Variants in DGKB observed in about 807,000 individuals in gnomAD.
DGKB encodes the protein diacylglycerol kinase beta.
Under a neutral mutation model 114.3 loss-of-function variants are expected in DGKB, and 67 were observed. The ratio of observed to expected loss-of-function variants is 0.59; its 90% CI spans 0.48 to 0.72. The LOEUF (loss-of-function observed/expected upper bound fraction) is 0.72. DGKB is among the 30% of genes least tolerant of loss of function. The pLI is 0.00. For synonymous variants in DGKB, 398 were observed against 323.1 expected (o/e 1.23, Z -2.49); for missense variants, 907 against 975.2 (o/e 0.93, Z 0.93).
intron 23 of DGKB, among the ~76,000 whole-genome samples, chr7:14,196,814 C>T (rs1785085365): frequency 6.6e-6 from 1 of 151,648 alleles, no homozygotes; most frequent in Non-Finnish European, 1.5e-5. Context: ...AAAAATAAGC[C>T]CTTGTATATA....
chr7:14,789,520 T>A (rs1840369513), intron 2 of DGKB, among the ~76,000 whole-genome samples: 1 of 152,144 alleles, frequency 6.6e-6, no homozygotes, highest in Admixed American at 6.5e-5. Context: ...TTGTTTTCAG[T>A]TTTGGGCTAT....
At chr7:14,221,952 T>G (rs573876563) in intron 23 of DGKB, among the ~76,000 whole-genome samples, 2 of 151,478 alleles carry the variant, frequency 1.3e-5, no homozygotes, top group African/African-American at 4.8e-5. Flanking sequence ...ATTAAATTTT[T>G]TATAGTATTG....
intron 2 of DGKB, among the ~76,000 whole-genome samples, chr7:14,766,405 G>C (rs980251000): frequency 2.0e-5 from 3 of 151,932 alleles, no homozygotes; most frequent in Middle Eastern, 3.4e-3. Context: ...TTATTGATTG[G>C]ATATGGGTTG....
chr7:14,862,192 A>T (rs938945793), intron 1 of DGKB, among the ~76,000 whole-genome samples: 1 of 152,058 alleles, frequency 6.6e-6, no homozygotes, highest in Admixed American at 6.5e-5. Flanking sequence ...CTCAAGGCAT[A>T]CAAGGAGATG....
chr7:14,416,385 T>A (rs1015916171), intron 21 of DGKB, among the ~76,000 whole-genome samples: 3 of 152,142 alleles, frequency 2.0e-5, no homozygotes, highest in African/African-American at 7.2e-5. Flanking sequence ...CTTTGTAAAA[T>A]GTATGCTGTT....
intron 20 of DGKB, among the ~76,000 whole-genome samples, chr7:14,517,850 T>C (rs1042154354): frequency 1.3e-5 from 2 of 152,134 alleles, no homozygotes; most frequent in Non-Finnish European, 2.9e-5. Context: ...GGAACACTTA[T>C]ACACTGCAGG....
chr7:14,608,509 T>C (rs547656392), intron 16 of DGKB, among the ~76,000 whole-genome samples: 1 of 152,142 alleles, frequency 6.6e-6, no homozygotes, highest in South Asian at 2.1e-4. Context: ...GCTGGAAGAA[T>C]TCCCCTTCAA....
intron 23 of DGKB, among the ~76,000 whole-genome samples, chr7:14,219,556 A>G (rs1329227401): frequency 1.3e-5 from 2 of 151,786 alleles, no homozygotes; most frequent in Non-Finnish European, 3.0e-5. Flanking sequence ...TATCTCTTCT[A>G]TACGTATATA....
At chr7:14,590,284 T>G (rs944586833) in intron 17 of DGKB, among the ~76,000 whole-genome samples, 1 of 152,098 alleles carries the variant, frequency 6.6e-6, no homozygotes, top group African/African-American at 2.4e-5. Context: ...TATACTTCTG[T>G]AGCAATTTGA....
rs1052179584 is a variant in DGKB at position 14,189,289 on chromosome 7, A to C, written c.2123-11138T>G. Among the ~76,000 whole-genome samples the C allele has an allele frequency of 2.0e-5, 3 of 152,196 alleles. No individual in the cohort carries two copies. In the South Asian group the frequency reaches 6.2e-4, roughly 31 times the overall value. The stretch of plus-strand genomic sequence containing the variant: ...AAAGTATAAATTTTAGGGGGAAGGA[A>C]AACTGTCTAGAGTAATTTTATGCAA... On this transcript the variant is annotated intron_variant, in intron 23 of 25. Transcript: ENST00000402815.
intron 2 of DGKB, among the ~76,000 whole-genome samples, chr7:14,769,732 G>C (rs892656800): frequency 3.3e-5 from 5 of 151,920 alleles, no homozygotes; most frequent in Non-Finnish European, 2.9e-5. Flanking sequence ...GCTCTCATAG[G>C]AATTAGTTTC....
chr7:14,321,845 A>G (rs1807880961), intron 23 of DGKB, among the ~76,000 whole-genome samples: 1 of 152,206 alleles, frequency 6.6e-6, no homozygotes, highest in Admixed American at 6.6e-5. Flanking sequence ...TAAGACAGCT[A>G]CATAGAAAGT....
At chr7:14,770,824 T>C (rs1309317434) in intron 2 of DGKB, among the ~76,000 whole-genome samples, 4 of 152,096 alleles carry the variant, frequency 2.6e-5, no homozygotes, top group African/African-American at 2.4e-5. Flanking sequence ...GTTTTAGCAC[T>C]GACTGAGTTG....
chr7:14,555,849 C>A (rs1001866640), intron 20 of DGKB, among the ~76,000 whole-genome samples: 1 of 152,134 alleles, frequency 6.6e-6, no homozygotes, highest in Non-Finnish European at 1.5e-5. Context: ...ATGGCAACAT[C>A]AGGAAGTTAC....
At chr7:14,822,072 G>A (rs1456053129) in intron 2 of DGKB, among the ~76,000 whole-genome samples, 1 of 152,052 alleles carries the variant, frequency 6.6e-6, no homozygotes, top group Admixed American at 6.6e-5. Context: ...AGACAGAGAT[G>A]TATTTAATTT....
At chr7:14,904,228 A>G (rs139013959), upstream of DGKB, among the ~76,000 whole-genome samples, 26 of 152,052 alleles carry the variant, frequency 1.7e-4, no homozygotes, top group East Asian at 4.8e-3. Context: ...ATACACACAC[A>G]CACACACACA....
At chr7:14,418,854 A>T (rs1826214738) in intron 21 of DGKB, among the ~76,000 whole-genome samples, 1 of 152,010 alleles carries the variant, frequency 6.6e-6, no homozygotes, top group Admixed American at 6.6e-5. Context: ...AAAGGTGAGA[A>T]ATTCATTATC....
chr7:14,844,054 T>C (rs1848309859), intron 1 of DGKB, among the ~76,000 whole-genome samples: 1 of 152,232 alleles, frequency 6.6e-6, no homozygotes, highest in Non-Finnish European at 1.5e-5. Flanking sequence ...CTCTTTTGCT[T>C]ACTTGGTAAC....
intron 21 of DGKB, among the ~76,000 whole-genome samples, chr7:14,383,603 G>A (rs1583546064): frequency 6.6e-6 from 1 of 152,096 alleles, no homozygotes; most frequent in East Asian, 1.9e-4. Flanking sequence ...GGGTTCTTTT[G>A]CTCCAGCCCG....
Sources: allele counts gnomAD v4.1 joint callset (sites outside exome capture counted in the v4.1 genomes callset), GRCh38; gene constraint gnomAD v4.1.1; transcripts MANE v1.5; gene names NCBI Gene and HGNC (gene_info 2026-07-23, HGNC 2026-07-21).